The following ANKRD12 variants were observed in gnomAD, a reference collection of about 807,000 sequenced individuals.
The protein encoded by ANKRD12 is ankyrin repeat domain-containing protein 12.
Under a neutral mutation model 183.4 loss-of-function variants are expected in ANKRD12, and 85 were observed. The observed-to-expected ratio is 0.46, with a 90% CI of 0.39 to 0.56. The LOEUF (loss-of-function observed/expected upper bound fraction) is 0.56. Among genes scored for constraint, ANKRD12 ranks in the 20% least tolerant of loss-of-function variants. The probability of loss-of-function intolerance (pLI) is 0.00; values close to 1 mark genes in which losing one functional copy is unlikely to be tolerated. For missense variants in ANKRD12, 2,405 were observed against 2,357.1 expected, an observed-to-expected ratio of 1.02 and a Z score of -0.42; for synonymous variants, 914 against 800.2, an observed-to-expected ratio of 1.14 and a Z score of -2.40.
At chr18:9,280,672 T>C (rs2040070436) in intron 12 of ANKRD12, among the ~76,000 whole-genome samples, 2 of 151,936 alleles carry the variant, frequency 1.3e-5, no homozygotes, top group Non-Finnish European at 2.9e-5. Context: ...GCCTGTAGTC[T>C]CAGCTACTTG....
intron 8 of ANKRD12, among the ~76,000 whole-genome samples, chr18:9,248,108 A>AT (rs2038069943): frequency 6.6e-6 from 1 of 152,188 alleles, no homozygotes; most frequent in Admixed American, 6.5e-5. Flanking sequence ...TTTAAAGCAC[A>AT]TTTTTTCAAG....
At chr18:9,245,653 G>T (rs1292916358) in intron 8 of ANKRD12, among the ~76,000 whole-genome samples, 1 of 152,072 alleles carries the variant, frequency 6.6e-6, no homozygotes, top group African/African-American at 2.4e-5. Flanking sequence ...TTAATCTCAG[G>T]TGAGTATGTT....
intron 8 of ANKRD12, among the ~76,000 whole-genome samples, chr18:9,245,646 A>G (rs1390800113): frequency 6.6e-6 from 1 of 152,214 alleles, no homozygotes; most frequent in Non-Finnish European, 1.5e-5. Context: ...TTCAATTTTA[A>G]TCTCAGGTGA....
At chr18:9,247,836 C>T (rs886802254) in intron 8 of ANKRD12, among the ~76,000 whole-genome samples, 1 of 151,628 alleles carries the variant, frequency 6.6e-6, no homozygotes, top group East Asian at 1.9e-4. Context: ...GAGTTTCATT[C>T]TTGTTGCCCA....
intron 1 of ANKRD12, among the ~76,000 whole-genome samples, chr18:9,145,326 A>G (rs1292165418): frequency 6.6e-6 from 1 of 152,204 alleles, no homozygotes; most frequent in East Asian, 1.9e-4. Context: ...CATAATTAAC[A>G]GTTTTTAGAG....
In ANKRD12 at chr18:9,258,066, T is replaced by A; in HGVS notation, c.4799T>A (p.Leu1600Gln). 6.8e-6 allele frequency: 11 copies of A among 1,613,382 alleles called. No homozygotes were observed. The highest frequency in any genetic ancestry group is 9.3e-6 in the Non-Finnish European group (11 of 1,179,968). Residue 1600 changes from leucine to glutamine, a missense_variant, in exon 9 of 13, where the codon CTA becomes CAA. Leu to Gln is a moderately radical substitution (Grantham distance 113, BLOSUM62 -2). Coordinates refer to ENST00000262126, the MANE Select transcript of ANKRD12 (RefSeq NM_015208.5). ...AATGGAAGTGATGCCTCTACCCAGC[T>A]AAATACACATTATGCATTTAGCAAA... ...DFNGSDASTQ[L>Q]NTHYAFSKLT...
At chr18:9,220,884 G>C (rs2036384779) in intron 7 of ANKRD12, among the ~76,000 whole-genome samples, 1 of 152,160 alleles carries the variant, frequency 6.6e-6, no homozygotes, top group South Asian at 2.1e-4. Flanking sequence ...GATCTTTTCA[G>C]GTCTTAAAAG....
At chr18:9,161,795 G>C (rs919804353) in intron 1 of ANKRD12, among the ~76,000 whole-genome samples, 1 of 151,588 alleles carries the variant, frequency 6.6e-6, no homozygotes, top group Non-Finnish European at 1.5e-5. Flanking sequence ...ATTATACCAA[G>C]CTAATTAACA....
At chr18:9,156,660 A>G (rs2030506572) in intron 1 of ANKRD12, among the ~76,000 whole-genome samples, 1 of 152,234 alleles carries the variant, frequency 6.6e-6, no homozygotes, top group South Asian at 2.1e-4. Flanking sequence ...ATATATTTGC[A>G]TTGTTTACCC....
At chr18:9,229,890 T>G (rs892737220) in intron 8 of ANKRD12, among the ~76,000 whole-genome samples, 1 of 152,208 alleles carries the variant, frequency 6.6e-6, no homozygotes, top group African/African-American at 2.4e-5. Flanking sequence ...GTTGAGGATT[T>G]TTACATCTTT....
intron 10 of ANKRD12, 23 bp downstream of exon 10, chr18:9,263,911 C>A: frequency 7.4e-7 from 1 of 1,350,106 alleles, no homozygotes; most frequent in South Asian, 1.5e-5. Context: ...TAAATTTACA[C>A]TTATGCTAAA....
intron 10 of ANKRD12, among the ~76,000 whole-genome samples, chr18:9,271,795 G>A (rs79218485): frequency 0.018 from 2,784 of 152,260 alleles, 39 homozygotes; most frequent in Middle Eastern, 0.044. Context: ...GTGGTTTGTA[G>A]ACATATTCAT....
rs2038513244 is a variant in ANKRD12 at position 9,254,954 on chromosome 18, A to G, written c.1687A>G (p.Thr563Ala). 1.2e-6 allele frequency: 2 copies of G among 1,606,984 alleles called. No homozygotes were observed. The highest frequency in any genetic ancestry group is 1.7e-5 in the Admixed American group (1 of 58,476). ...KQSTPLKQEH[T>A]KTCLSPGSSE... ...GTCAACACCACTAAAACAAGAACAT[A>G]CTAAAACATGTTTATCACCAGGAAG... is the stretch of plus-strand genomic sequence containing the variant. Residue 563 changes from threonine to alanine, a missense_variant, in exon 9 of 13, where the codon ACT becomes GCT. This residue lies in a region of ANKRD12 where 1,983 missense variants were observed against 1,725.9 expected (regional missense o/e 1.15). Transcript: ENST00000262126.
intron 3 of ANKRD12, among the ~76,000 whole-genome samples, chr18:9,196,108 A>AACACACACACACAC (rs36156556): frequency 1.6e-5 from 1 of 64,110 alleles, no homozygotes; most frequent in Non-Finnish European, 3.3e-5. Context: ...GAAACATGCA[A>AACACACACACACAC]ACACACACAC....
intron 1 of ANKRD12, among the ~76,000 whole-genome samples, chr18:9,143,515 T>C (rs1229083493): frequency 6.6e-6 from 1 of 152,126 alleles, no homozygotes; most frequent in Non-Finnish European, 1.5e-5. Context: ...GGCTGGAGTG[T>C]AAAGGCATGA....
chr18:9,260,865 A>G (rs1567988008), intron 9 of ANKRD12, among the ~76,000 whole-genome samples: 2 of 152,092 alleles, frequency 1.3e-5, no homozygotes, highest in Non-Finnish European at 2.9e-5. Flanking sequence ...TCTTTTTTGT[A>G]ACTGCATAGC....
chr18:9,205,147 T>G (rs914347149), intron 4 of ANKRD12, among the ~76,000 whole-genome samples: 3 of 152,210 alleles, frequency 2.0e-5, no homozygotes, highest in African/African-American at 7.2e-5. Context: ...TTATTTTATG[T>G]TAATGGTCAG....
At chr18:9,196,189 T>TACACACACACACACACACACACAC (rs34220366) in intron 3 of ANKRD12, among the ~76,000 whole-genome samples, 2 of 51,616 alleles carry the variant, frequency 3.9e-5, no homozygotes, top group African/African-American at 1.3e-4. Flanking sequence ...ATAGAATTTT[T>TACACACACACACACACACACACAC]ACACACACAC....
At chr18:9,194,606 T>G (rs1048125471) in intron 2 of ANKRD12, among the ~76,000 whole-genome samples, 1 of 152,250 alleles carries the variant, frequency 6.6e-6, no homozygotes, top group African/African-American at 2.4e-5. Context: ...ATACCCATGC[T>G]GTGGCCTCCC....
Sources: gnomAD v4.1 joint callset for allele counts (sites outside exome capture counted in the v4.1 genomes callset) on GRCh38, gnomAD v4.1.1 for gene constraint, gnomAD v4.1.1 regional missense constraint, MANE v1.5 for transcripts, NCBI Gene and HGNC (gene_info 2026-07-23, HGNC 2026-07-21) for gene names.